SAMD5: variants seen among roughly 807,000 people sequenced by gnomAD.
SAMD5 encodes the protein sterile alpha motif domain-containing protein 5.
Under a neutral mutation model 11.3 loss-of-function variants are expected in SAMD5, and 13 were observed. That is an observed-to-expected ratio of 1.15 (90% CI 0.75 to 1.83). The LOEUF (loss-of-function observed/expected upper bound fraction) is 1.83, where lower values mean the gene tolerates loss of function less well. Ranked by LOEUF, SAMD5 falls within the 40% of genes most tolerant of loss-of-function variation. The pLI is 0.00. For missense variants in SAMD5, 255 were observed against 239.1 expected, an observed-to-expected ratio of 1.07 and a Z score of -0.44; for synonymous variants, 129 against 111.3, an observed-to-expected ratio of 1.16 and a Z score of -1.00.
intron 1 of SAMD5, among the ~76,000 whole-genome samples, chr6:147,624,335 C>G (rs930737361): frequency 1.3e-5 from 2 of 152,162 alleles, no homozygotes; most frequent in Admixed American, 6.5e-5. Context: ...GCCCACCCCC[C>G]AGGGGATGTG....
chr6:147,828,821 A>G, the SAMD5 span, among the ~76,000 whole-genome samples: 1 of 152,198 alleles, frequency 6.6e-6, no homozygotes, highest in African/African-American at 2.4e-5. Flanking sequence ...ATTTTGTGCA[A>G]TTTGGGCCAC....
the SAMD5 span, among the ~76,000 whole-genome samples, chr6:147,945,764 C>T: frequency 3.6e-3 from 544 of 152,220 alleles, 3 homozygotes; most frequent in African/African-American, 0.012. Context: ...CAAATATGTG[C>T]CAATCTATCA....
chr6:147,613,598 A>T (rs568190621), intron 1 of SAMD5, among the ~76,000 whole-genome samples: 1 of 152,096 alleles, frequency 6.6e-6, no homozygotes, highest in Admixed American at 6.5e-5. Context: ...AGTAGCTAAT[A>T]TTCCATTAAA....
the SAMD5 span, among the ~76,000 whole-genome samples, chr6:147,773,448 G>T: frequency 1.3e-5 from 2 of 152,188 alleles, no homozygotes; most frequent in Non-Finnish European, 2.9e-5. Flanking sequence ...CATCTGGGCT[G>T]CTGTCACAAA....
chr6:147,730,061 G>T (rs1377867789), intron 1 of SAMD5: 1 of 407,992 alleles, frequency 2.5e-6, no homozygotes, highest in African/African-American at 2.2e-5. Flanking sequence ...CTCCAGCCTG[G>T]GTGACTCTGT....
chr6:147,666,416 G>T (rs1296579094), intron 1 of SAMD5, among the ~76,000 whole-genome samples: 3 of 152,154 alleles, frequency 2.0e-5, no homozygotes, highest in Non-Finnish European at 4.4e-5. Context: ...CATGCTGTGC[G>T]TGAGAACAGT....
chr6:147,947,520 G>A, the SAMD5 span: 1 of 152,140 alleles, frequency 6.6e-6, no homozygotes, highest in South Asian at 2.1e-4. Flanking sequence ...GATTTGTCTG[G>A]TAAGTGTTCG....
At chr6:147,755,195 G>A in the SAMD5 span, among the ~76,000 whole-genome samples, 1 of 151,928 alleles carries the variant, frequency 6.6e-6, no homozygotes, top group Non-Finnish European at 1.5e-5. Context: ...TCATGAACAT[G>A]GAATATTTTT....
chr6:147,857,804 G>A, the SAMD5 span, among the ~76,000 whole-genome samples: 4 of 151,900 alleles, frequency 2.6e-5, no homozygotes, highest in Non-Finnish European at 5.9e-5. Context: ...GCATAAAATC[G>A]GTAAAATAAT....
chr6:147,752,650 A>T, the SAMD5 span, among the ~76,000 whole-genome samples: 1 of 152,192 alleles, frequency 6.6e-6, no homozygotes, highest in African/African-American at 2.4e-5. Context: ...AGGCTGCATA[A>T]TAGCCTCTAA....
rs991634638 is a variant in SAMD5, at chr6:147,711,211, G to A, written c.163-26106G>A. On this transcript the variant is annotated intron_variant, in intron 1 of 1. Transcript: ENST00000566741. The surrounding 1 kb of genome is among the most constrained non-coding windows in gnomAD (Gnocchi z 4.1). ...TCTTCATGACAGCTCTTTGAAGCAG[G>A]AATTATTATCTCTAATTACAGATGA... Among the ~76,000 whole-genome samples, 3 of 152,092 alleles carry A rather than the reference G, an allele frequency of 2.0e-5. No individual in the cohort carries two copies. Among genetic ancestry groups the A allele is most frequent in the African/African-American group, 7.2e-5 (3 of 41,406 alleles).
the SAMD5 span, among the ~76,000 whole-genome samples, chr6:147,833,596 G>C: frequency 6.6e-6 from 1 of 152,176 alleles, no homozygotes; most frequent in Non-Finnish European, 1.5e-5. Flanking sequence ...AGTGAATTCT[G>C]TGACTGTAAA....
intron 1 of SAMD5, among the ~76,000 whole-genome samples, chr6:147,609,658 G>A (rs910462851): frequency 1.2e-4 from 19 of 152,088 alleles, no homozygotes; most frequent in African/African-American, 4.6e-4. Context: ...CCAGGTTCAA[G>A]CGATTCTCCT....
At chr6:147,912,713 T>C in the SAMD5 span, among the ~76,000 whole-genome samples, 1 of 152,102 alleles carries the variant, frequency 6.6e-6, no homozygotes, top group Non-Finnish European at 1.5e-5. Flanking sequence ...ATGGTACATA[T>C]ATACACTGGA....
At chr6:147,898,493 A>G in the SAMD5 span, among the ~76,000 whole-genome samples, 2 of 152,326 alleles carry the variant, frequency 1.3e-5, no homozygotes, top group Non-Finnish European at 2.9e-5. Context: ...CTGCACAAGC[A>G]TCTTTACTAG....
the SAMD5 span, among the ~76,000 whole-genome samples, chr6:147,806,142 G>C: frequency 6.6e-6 from 1 of 152,038 alleles, no homozygotes; most frequent in Non-Finnish European, 1.5e-5. Context: ...TACAGAAATG[G>C]GGCTGACACA....
intron 1 of SAMD5, among the ~76,000 whole-genome samples, 190 bp downstream of exon 1, chr6:147,509,577 G>T (rs1015863764): frequency 1.3e-5 from 2 of 152,072 alleles, no homozygotes; most frequent in Non-Finnish European, 2.9e-5. Context: ...GTCTCCAGTG[G>T]TTGGTAAGAC....
chr6:147,540,476 G>A (rs932342788), intron 1 of SAMD5, among the ~76,000 whole-genome samples: 3 of 152,110 alleles, frequency 2.0e-5, no homozygotes, highest in African/African-American at 7.2e-5. Context: ...TAGTCACAAG[G>A]TTAAGCTCTT....
chr6:147,875,541 G>C, the SAMD5 span, among the ~76,000 whole-genome samples: 2 of 152,024 alleles, frequency 1.3e-5, no homozygotes, highest in African/African-American at 4.8e-5. Flanking sequence ...CTATCCCCTA[G>C]AACAGGGGTC....
Sources: gnomAD v4.1 joint callset for allele counts (sites outside exome capture counted in the v4.1 genomes callset) on GRCh38, gnomAD v4.1.1 for gene constraint, Gnocchi (gnomAD v3.1) non-coding constraint, MANE v1.5 for transcripts, NCBI Gene and HGNC (gene_info 2026-07-23, HGNC 2026-07-21) for gene names.